AGBL4: variants seen among roughly 807,000 people sequenced by gnomAD.
AGBL4 encodes the protein AGBL carboxypeptidase 4.
A neutral mutation model predicts 66.4 loss-of-function variants in AGBL4; 58 were observed. The ratio of observed to expected loss-of-function variants is 0.87; its 90% CI spans 0.71 to 1.09. The LOEUF (loss-of-function observed/expected upper bound fraction) is 1.09. Among genes scored for constraint, AGBL4 ranks in the 50% least tolerant of loss-of-function variants. AGBL4 has a pLI of 0.00. For synonymous variants in AGBL4, 234 were observed against 222.9 expected (o/e 1.05, Z -0.44); for missense variants, 579 against 631.0 (o/e 0.92, Z 0.88).
At chr1:49,778,915 T>G (rs1401016103) in intron 2 of AGBL4, among the ~76,000 whole-genome samples, 1 of 152,162 alleles carries the variant, frequency 6.6e-6, no homozygotes, top group Non-Finnish European at 1.5e-5. Context: ...ATGCAATATA[T>G]TCATGTAACA....
intron 5 of AGBL4, among the ~76,000 whole-genome samples, chr1:49,016,269 G>A (rs1201918395): frequency 4.6e-5 from 7 of 152,200 alleles, no homozygotes; most frequent in Non-Finnish European, 1.0e-4. Context: ...GATGCTGGGT[G>A]CCTAATGCGG....
intron 3 of AGBL4, among the ~76,000 whole-genome samples, chr1:49,513,789 C>A (rs888214853): frequency 1.3e-5 from 2 of 151,856 alleles, no homozygotes; most frequent in African/African-American, 4.8e-5. Context: ...TTTCTTGCTG[C>A]GCTGGGTCAA....
chr1:49,998,630 A>T (rs960287121), intron 1 of AGBL4, among the ~76,000 whole-genome samples: 3 of 152,264 alleles, frequency 2.0e-5, no homozygotes, highest in East Asian at 3.9e-4. Context: ...AAAGGACATA[A>T]CAAAGAAAAC....
intron 4 of AGBL4, among the ~76,000 whole-genome samples, chr1:49,120,251 T>C (rs1157987689): frequency 1.3e-5 from 2 of 152,204 alleles, no homozygotes; most frequent in Non-Finnish European, 2.9e-5. Flanking sequence ...CGTTAATTGA[T>C]GCAGTTTCTT....
At chr1:49,493,454 G>T (rs539673411) in intron 3 of AGBL4, among the ~76,000 whole-genome samples, 5 of 152,092 alleles carry the variant, frequency 3.3e-5, no homozygotes, top group African/African-American at 1.2e-4. Context: ...CCAGGATTCT[G>T]CCAGAAAGTG....
intron 6 of AGBL4, among the ~76,000 whole-genome samples, chr1:48,704,402 C>T (rs1440570078): frequency 2.0e-5 from 3 of 152,154 alleles, no homozygotes; most frequent in Non-Finnish European, 2.9e-5. Flanking sequence ...AAATTAACCT[C>T]AGTTTACTAT....
intron 3 of AGBL4, among the ~76,000 whole-genome samples, chr1:49,681,476 G>A (rs1009450225): frequency 6.6e-6 from 1 of 152,098 alleles, no homozygotes; most frequent in African/African-American, 2.4e-5. Flanking sequence ...ACTGTGAGGT[G>A]GAGGTTATCA....
intron 3 of AGBL4, among the ~76,000 whole-genome samples, chr1:49,449,296 A>C (rs547704373): frequency 5.9e-4 from 90 of 152,222 alleles, no homozygotes; most frequent in African/African-American, 1.6e-3. Flanking sequence ...TAAATGGAAG[A>C]TATTTATAAT....
chr1:49,740,288 C>T (rs995651210), intron 2 of AGBL4, among the ~76,000 whole-genome samples: 9 of 151,994 alleles, frequency 5.9e-5, no homozygotes, highest in African/African-American at 2.2e-4. Flanking sequence ...CAACAAAGAT[C>T]AAAAGAGACA....
At chr1:48,908,312 C>T (rs1652805392) in intron 5 of AGBL4, among the ~76,000 whole-genome samples, 1 of 152,092 alleles carries the variant, frequency 6.6e-6, no homozygotes, top group Non-Finnish European at 1.5e-5. Context: ...AACAAAGTTG[C>T]CTTTTCAAAA....
intron 1 of AGBL4, among the ~76,000 whole-genome samples, chr1:50,006,672 A>AG (rs1361634070): frequency 1.9e-5 from 1 of 54,046 alleles, no homozygotes. Flanking sequence ...TGTAGAAGGG[A>AG]AAAAAAAAAA....
At chr1:49,924,856 A>G (rs1423165487) in intron 1 of AGBL4, among the ~76,000 whole-genome samples, 1 of 152,188 alleles carries the variant, frequency 6.6e-6, no homozygotes, top group Non-Finnish European at 1.5e-5. Context: ...AAATTGACAC[A>G]GCAACTGGGG....
At chr1:49,068,077 A>G (rs2147927415) in intron 4 of AGBL4, among the ~76,000 whole-genome samples, 1 of 152,276 alleles carries the variant, frequency 6.6e-6, no homozygotes, top group African/African-American at 2.4e-5. Flanking sequence ...GATGAATTAA[A>G]TGGTGATTAG....
chr1:49,969,954 C>T (rs554561608), intron 1 of AGBL4, among the ~76,000 whole-genome samples: 4 of 152,236 alleles, frequency 2.6e-5, no homozygotes, highest in African/African-American at 9.6e-5. Flanking sequence ...CACACATAAA[C>T]GGTAATTCAT....
intron 10 of AGBL4, 39 bp from the exon 11 acceptor site, chr1:48,587,205 C>T (rs1366664902): frequency 6.6e-7 from 1 of 1,518,734 alleles, no homozygotes; most frequent in East Asian, 2.5e-5. Flanking sequence ...ATCACGGCAC[C>T]TGCTGCAAAT....
chr1:48,738,193 A>G (rs1649363332), intron 6 of AGBL4, among the ~76,000 whole-genome samples: 1 of 152,208 alleles, frequency 6.6e-6, no homozygotes, highest in Non-Finnish European at 1.5e-5. Context: ...CCAACCATCA[A>G]GAAGAAAAAA....
At chr1:49,654,022 T>G (rs1292142101) in intron 3 of AGBL4, among the ~76,000 whole-genome samples, 1 of 151,882 alleles carries the variant, frequency 6.6e-6, no homozygotes, top group Admixed American at 6.6e-5. Flanking sequence ...CACATAATCA[T>G]CAGATTCTCC....
At chr1:49,689,713 T>C (rs1374374879) in intron 3 of AGBL4, among the ~76,000 whole-genome samples, 1 of 152,210 alleles carries the variant, frequency 6.6e-6, no homozygotes, top group African/African-American at 2.4e-5. Flanking sequence ...ATGGAATATC[T>C]TTCCTTTTTT....
At chr1:49,623,805 C>T (rs1177288422) in intron 3 of AGBL4, among the ~76,000 whole-genome samples, 1 of 152,210 alleles carries the variant, frequency 6.6e-6, no homozygotes, top group Non-Finnish European at 1.5e-5. Flanking sequence ...AACACCATAT[C>T]CCTTGTGCAG....
Sources: gnomAD v4.1 joint callset for allele counts (sites outside exome capture counted in the v4.1 genomes callset) on GRCh38, gnomAD v4.1.1 for gene constraint, MANE v1.5 for transcripts, NCBI Gene and HGNC (gene_info 2026-07-23, HGNC 2026-07-21) for gene names.